PACRG: variants seen among roughly 807,000 people sequenced by gnomAD.
PACRG encodes the protein parkin coregulated gene protein.
Under a neutral mutation model 29.7 loss-of-function variants are expected in PACRG, and 29 were observed. The ratio of observed to expected loss-of-function variants is 0.98; its 90% CI spans 0.73 to 1.33. PACRG has a LOEUF of 1.33. Among genes scored for constraint, PACRG ranks in the 40% most tolerant of loss-of-function variants. The probability of loss-of-function intolerance (pLI) is 0.00; values close to 1 mark genes in which losing one functional copy is unlikely to be tolerated. For missense variants in PACRG, 279 were observed against 316.2 expected, an observed-to-expected ratio of 0.88 and a Z score of 0.89; for synonymous variants, 116 against 118.7, an observed-to-expected ratio of 0.98 and a Z score of 0.15.
chr6:163,044,275 C>T (rs1809082006), intron 2 of PACRG, among the ~76,000 whole-genome samples: 1 of 151,560 alleles, frequency 6.6e-6, no homozygotes, highest in Non-Finnish European at 1.5e-5. Context: ...TCATGCGATC[C>T]TCCCACCTCA....
chr6:162,814,299 T>C lies in PACRG; in HGVS notation c.291+18T>C. 1 of 1,611,730 alleles carries C rather than the reference T, an allele frequency of 6.2e-7. No individual in the cohort carries two copies. Among genetic ancestry groups the C allele is most frequent in the Admixed American group, 1.7e-5 (1 of 59,808 alleles). On this transcript the variant is annotated intron_variant, in intron 2 of 4. Coordinates refer to ENST00000366888, the MANE Select transcript of PACRG (RefSeq NM_001080379.2). Reference sequence around the variant, plus strand: ...CCTGGAAGGTAAGTCAGGGCACAGCTGTGCCGGCCAGCTGCACCCGCTGAA... The same window carrying C: ...CCTGGAAGGTAAGTCAGGGCACAGCCGTGCCGGCCAGCTGCACCCGCTGAA...
chr6:163,071,266 C>CG (rs1812026010), intron 3 of PACRG, among the ~76,000 whole-genome samples: 1 of 168 alleles, frequency 6.0e-3, no homozygotes, highest in East Asian at 0.1. Context: ...ACATGTGGAT[C>CG]ATCTCAAGGA....
intron 2 of PACRG, among the ~76,000 whole-genome samples, chr6:162,891,813 G>A (rs9365505): frequency 0.56 from 84,922 of 151,880 alleles, 23,867 homozygotes; most frequent in African/African-American, 0.6. Context: ...GAGACCAACT[G>A]GAATGAGCTG....
At chr6:162,747,325 CAT>C (rs1190146053) in intron 1 of PACRG, among the ~76,000 whole-genome samples, 2,060 of 33,068 alleles carry the variant, frequency 0.062, 114 homozygotes, top group Non-Finnish European at 0.076. Flanking sequence ...TCTCCTTGCT[CAT>C]ATATATATAT....
chr6:162,959,126 C>A (rs1406726359), intron 2 of PACRG, among the ~76,000 whole-genome samples: 2 of 149,398 alleles, frequency 1.3e-5, no homozygotes, highest in Non-Finnish European at 3.0e-5. Flanking sequence ...ATTATGTTGA[C>A]AAGGCTAGTC....
intron 4 of PACRG, among the ~76,000 whole-genome samples, chr6:163,270,866 C>T (rs1783799331): frequency 6.6e-6 from 1 of 152,062 alleles, no homozygotes; most frequent in African/African-American, 2.4e-5. Context: ...TGGTAGCAAA[C>T]TTCTGAATTG....
chr6:163,071,600 A>G (rs1812057235), intron 3 of PACRG, among the ~76,000 whole-genome samples: 1 of 151,998 alleles, frequency 6.6e-6, no homozygotes, highest in Non-Finnish European at 1.5e-5. Context: ...AACTTGAAAT[A>G]AATAACCTAA....
At chr6:162,732,144 ACAT>A (rs1779817857) in intron 1 of PACRG, among the ~76,000 whole-genome samples, 2 of 152,130 alleles carry the variant, frequency 1.3e-5, no homozygotes, top group African/African-American at 4.8e-5. Flanking sequence ...AAATACACCT[ACAT>A]TTTCCCTTTT....
intron 4 of PACRG, among the ~76,000 whole-genome samples, chr6:163,115,072 A>G (rs1465028991): frequency 1.3e-5 from 2 of 152,236 alleles, no homozygotes; most frequent in South Asian, 2.1e-4. Flanking sequence ...GACATGGATC[A>G]TTTAGGATTG....
At chr6:162,764,170 G>A (rs1202627326) in intron 1 of PACRG, among the ~76,000 whole-genome samples, 1 of 152,100 alleles carries the variant, frequency 6.6e-6, no homozygotes, top group Non-Finnish European at 1.5e-5. Context: ...AGCTACTCCG[G>A]AGGCTGAGGC....
chr6:163,158,547 G>A (rs1395945427), intron 4 of PACRG, among the ~76,000 whole-genome samples: 1 of 152,188 alleles, frequency 6.6e-6, no homozygotes, highest in Non-Finnish European at 1.5e-5. Context: ...AAAAGTTACA[G>A]CAAGCCGGGT....
chr6:162,860,901 G>A (rs1029333089), intron 2 of PACRG, among the ~76,000 whole-genome samples: 1 of 152,170 alleles, frequency 6.6e-6, no homozygotes, highest in Admixed American at 6.5e-5. Flanking sequence ...GTAGTTGCTT[G>A]AGAGAATGAG....
At chr6:162,830,112 C>G (rs771058884) in intron 2 of PACRG, among the ~76,000 whole-genome samples, 80 of 152,092 alleles carry the variant, frequency 5.3e-4, no homozygotes, top group Non-Finnish European at 1.0e-3. Flanking sequence ...TTCTCTCACC[C>G]TCTTGCCCCA....
At chr6:163,178,720 G>A (rs193090407) in intron 4 of PACRG, among the ~76,000 whole-genome samples, 120 of 152,282 alleles carry the variant, frequency 7.9e-4, no homozygotes, top group African/African-American at 2.8e-3. Flanking sequence ...AGGAGAAGCT[G>A]CCTTGCCAGG....
At chr6:162,754,778 A>C (rs1224712026) in intron 1 of PACRG, among the ~76,000 whole-genome samples, 1 of 152,144 alleles carries the variant, frequency 6.6e-6, no homozygotes, top group African/African-American at 2.4e-5. Flanking sequence ...GTTCGCCATA[A>C]ATGCATGGGT....
At chr6:163,013,386 A>G (rs1304879889) in intron 2 of PACRG, among the ~76,000 whole-genome samples, 1 of 150,664 alleles carries the variant, frequency 6.6e-6, no homozygotes, top group Non-Finnish European at 1.5e-5. Context: ...TGTGGCATAT[A>G]AAGAATATTT....
chr6:162,770,883 T>C (rs73601966), intron 1 of PACRG, among the ~76,000 whole-genome samples: 6,771 of 152,236 alleles, frequency 0.044, 516 homozygotes, highest in African/African-American at 0.15. Flanking sequence ...TATAATTTTA[T>C]ATTGATTAGG....
At chr6:162,801,239 G>C (rs965612580) in intron 1 of PACRG, among the ~76,000 whole-genome samples, 3 of 152,122 alleles carry the variant, frequency 2.0e-5, no homozygotes, top group Non-Finnish European at 4.4e-5. Context: ...CTCCCGAGTA[G>C]CTGGGATTAC....
chr6:163,169,749 G>A (rs1778982258), intron 4 of PACRG, among the ~76,000 whole-genome samples: 1 of 152,238 alleles, frequency 6.6e-6, no homozygotes, highest in Non-Finnish European at 1.5e-5. Flanking sequence ...CAGGCTGGGC[G>A]GGGAGGGGCC....
Sources: allele counts gnomAD v4.1 joint callset (sites outside exome capture counted in the v4.1 genomes callset), GRCh38; gene constraint gnomAD v4.1.1; transcripts MANE v1.5; gene names NCBI Gene and HGNC (gene_info 2026-07-23, HGNC 2026-07-21).